The following OSBP2 variants were observed in gnomAD, a reference collection of about 807,000 sequenced individuals.
OSBP2 encodes the protein oxysterol-binding protein 2.
In OSBP2, 66 loss-of-function variants were observed where a neutral mutation model predicts 96.0. The observed-to-expected ratio is 0.69, with a 90% CI of 0.56 to 0.84. The LOEUF (loss-of-function observed/expected upper bound fraction) is 0.84, where lower values mean the gene tolerates loss of function less well. Among genes scored for constraint, OSBP2 ranks in the 40% least tolerant of loss-of-function variants. The pLI is 0.00. For synonymous variants in OSBP2, 525 were observed against 520.9 expected, an observed-to-expected ratio of 1.01 and a Z score of -0.11; for missense variants, 1,038 against 1,222.7, an observed-to-expected ratio of 0.85 and a Z score of 2.25.
At chr22:30,694,047 C>T, upstream of OSBP2, 1 of 1,544,658 alleles carries the variant, frequency 6.5e-7, no homozygotes, top group Non-Finnish European at 8.7e-7. Context: ...TTGTTATGGA[C>T]CTACTCTGGA....
At position 30,890,603 on chromosome 22, in the gene OSBP2, T is replaced by C. The variant is rs2039924584; in HGVS notation, c.1624-125T>C. ...GGGGCCACACTGTTGGACAGGGCCA[T>C]CTGAGGAGCCTCACTGTGAAGGTGC... On this transcript the variant is annotated intron_variant, in intron 7 of 13. Coordinates refer to ENST00000332585, the MANE Select transcript of OSBP2 (RefSeq NM_030758.4). The surrounding 1 kb of genome is among the most constrained non-coding windows in gnomAD (Gnocchi z 4.4). 9.4e-7 allele frequency: 1 copy of C among 1,060,776 alleles called. No homozygotes were observed. Among genetic ancestry groups the C allele is most frequent in the Non-Finnish European group, 1.4e-6 (1 of 723,190 alleles). The allele number at this position is 1,060,776 out of a possible 1,614,324, so 65.7% of individuals were successfully genotyped here.
chr22:30,855,729 C>T (rs1396537792), intron 2 of OSBP2, among the ~76,000 whole-genome samples: 9 of 152,168 alleles, frequency 5.9e-5, no homozygotes, highest in Non-Finnish European at 1.3e-4. Context: ...CCAGAAAGTT[C>T]GCAGCCACAG....
At chr22:30,902,627 A>G (rs1039241202) in intron 12 of OSBP2, 6 of 654,760 alleles carry the variant, frequency 9.2e-6, no homozygotes, top group African/African-American at 1.8e-5. Context: ...CATGGATTTC[A>G]AAGAACCGAC....
chr22:30,741,739 A>G (rs1235593147), intron 2 of OSBP2, among the ~76,000 whole-genome samples: 1 of 152,126 alleles, frequency 6.6e-6, no homozygotes, highest in Non-Finnish European at 1.5e-5. Context: ...GAGTGAAACC[A>G]TTTAGCCAGA....
At chr22:30,819,333 A>G (rs927350042) in intron 2 of OSBP2, among the ~76,000 whole-genome samples, 1 of 152,136 alleles carries the variant, frequency 6.6e-6, no homozygotes, top group African/African-American at 2.4e-5. Flanking sequence ...AGACTCTGAA[A>G]AGACACCCAT....
intron 1 of OSBP2, among the ~76,000 whole-genome samples, chr22:30,738,921 A>G (rs2089895026): frequency 6.6e-6 from 1 of 152,264 alleles, no homozygotes; most frequent in Non-Finnish European, 1.5e-5. Context: ...AGAATCAAAA[A>G]AATGACAGAT....
At chr22:30,768,452 A>G (rs938402903) in intron 2 of OSBP2, among the ~76,000 whole-genome samples, 2 of 152,124 alleles carry the variant, frequency 1.3e-5, no homozygotes, top group Admixed American at 6.6e-5. Flanking sequence ...CGAGGCGGGC[A>G]GATCACCTGA....
Position 30,699,907 on chromosome 22 carries a change from T to A in OSBP2, c.644+4354T>A, listed in dbSNP as rs149779578. ...TGAGATATGGATAATTGTTGGCAGA[T>A]TTTCACTTCTTTCTGACAATGTGCT... On this transcript the variant is annotated intron_variant, in intron 1 of 13. Coordinates refer to ENST00000332585, the MANE Select transcript of OSBP2 (RefSeq NM_030758.4). Among the ~76,000 whole-genome samples the A allele has an allele frequency of 1.5e-3, 226 of 152,246 alleles. 3 individuals carry two copies. The East Asian group carries it at 0.034, about 23-fold the overall frequency.
intron 2 of OSBP2, among the ~76,000 whole-genome samples, chr22:30,760,773 G>A (rs955816610): frequency 8.0e-5 from 12 of 150,812 alleles, no homozygotes; most frequent in East Asian, 2.0e-4. Flanking sequence ...AGTGGAGATC[G>A]CACCACTGCA....
chr22:30,731,043 G>A (rs1403142042), intron 1 of OSBP2, among the ~76,000 whole-genome samples: 1 of 151,052 alleles, frequency 6.6e-6, no homozygotes, highest in Admixed American at 6.6e-5. Flanking sequence ...GCGTGGTGGC[G>A]GGCGCCTATA....
intron 2 of OSBP2, among the ~76,000 whole-genome samples, chr22:30,815,675 C>T (rs1301383246): frequency 1.3e-5 from 2 of 152,154 alleles, no homozygotes; most frequent in Non-Finnish European, 2.9e-5. Context: ...AAACATGGCT[C>T]TTCATGCTCT....
chr22:30,905,380 G>C (rs932952613), intron 12 of OSBP2, among the ~76,000 whole-genome samples: 1 of 151,660 alleles, frequency 6.6e-6, no homozygotes, highest in Non-Finnish European at 1.5e-5. Context: ...CTGACCTCGT[G>C]ATCCACCGGC....
At chr22:30,893,082 A>T in intron 8 of OSBP2, 40 bp from the exon 9 acceptor site, 1 of 1,608,248 alleles carries the variant, frequency 6.2e-7, no homozygotes, top group South Asian at 1.1e-5. Context: ...ACCTGGGCTC[A>T]TGTCTGGCAG....
At chr22:30,889,908 T>C (rs2039906078) in intron 7 of OSBP2, among the ~76,000 whole-genome samples, 1 of 152,154 alleles carries the variant, frequency 6.6e-6, no homozygotes, top group African/African-American at 2.4e-5. Flanking sequence ...CCTCTGGATC[T>C]CACAGGACCT....
intron 3 of OSBP2, among the ~76,000 whole-genome samples, chr22:30,874,871 C>T (rs1378759483): frequency 6.6e-6 from 1 of 152,196 alleles, no homozygotes; most frequent in East Asian, 1.9e-4. Context: ...TCTTGGGCAG[C>T]CGTCCTCTTG....
Position 30,870,413 on chromosome 22 carries a change from C to A in OSBP2, c.854-16C>A. Reference sequence around the variant, plus strand: ...TCTGTTCGTAATGACCGTAACAACTCTATTTTCTTCCACAGATGACTCTGG... The same window carrying A: ...TCTGTTCGTAATGACCGTAACAACTATATTTTCTTCCACAGATGACTCTGG... On this transcript the variant is annotated splice_polypyrimidine_tract_variant and intron_variant, in intron 2 of 13. Transcript: ENST00000332585. This position sits in a 1 kb window ranked among gnomAD's most constrained non-coding sequence, Gnocchi z 4.1. 1 of 1,613,278 alleles carries A rather than the reference C, an allele frequency of 6.2e-7. No individual in the cohort carries two copies.
upstream of OSBP2, chr22:30,693,986 CG>C: frequency 4.4e-6 from 5 of 1,147,972 alleles, 1 homozygote; most frequent in Non-Finnish European, 6.1e-6. Flanking sequence ...AAAAAAAAAG[CG>C]GAAAAAAAAA....
chr22:30,779,075 T>A (rs1187502232), intron 2 of OSBP2, among the ~76,000 whole-genome samples: 2 of 151,696 alleles, frequency 1.3e-5, no homozygotes, highest in Non-Finnish European at 1.5e-5. Flanking sequence ...CTTTTAAAGT[T>A]TTTTGGTGTA....
intron 2 of OSBP2, among the ~76,000 whole-genome samples, chr22:30,772,621 G>A (rs768361953): frequency 1.3e-5 from 2 of 152,162 alleles, no homozygotes; most frequent in Non-Finnish European, 2.9e-5. Flanking sequence ...GCGAGCCTGG[G>A]ACTGGTTAGG....
Sources: allele counts gnomAD v4.1 joint callset (sites outside exome capture counted in the v4.1 genomes callset), GRCh38; gene constraint gnomAD v4.1.1; non-coding constraint Gnocchi (gnomAD v3.1); transcripts MANE v1.5; gene names NCBI Gene and HGNC (gene_info 2026-07-23, HGNC 2026-07-21).